The following ROBO2 variants were observed in gnomAD, a reference collection of about 807,000 sequenced individuals.
The protein encoded by ROBO2 is roundabout guidance receptor 2, also known as roundabout homolog 2.
A neutral mutation model predicts 160.8 loss-of-function variants in ROBO2; 53 were observed. The ratio of observed to expected loss-of-function variants is 0.33; its 90% CI spans 0.26 to 0.41. The LOEUF is 0.41. ROBO2 is among the 10% of genes least tolerant of loss of function. ROBO2 has a pLI of 1.00. For synonymous variants in ROBO2, 664 were observed against 611.7 expected (o/e 1.09, Z -1.26); for missense variants, 1,577 against 1,722.4 (o/e 0.92, Z 1.49).
intron 2 of ROBO2, among the ~76,000 whole-genome samples, chr3:77,285,237 C>T (rs187475279): frequency 7.9e-5 from 12 of 152,198 alleles, no homozygotes; most frequent in East Asian, 3.9e-4. Context: ...TCACTTTCTA[C>T]GACTTCATTG....
At chr3:77,172,943 A>G (rs761146199) in intron 2 of ROBO2, among the ~76,000 whole-genome samples, 36 of 152,186 alleles carry the variant, frequency 2.4e-4, no homozygotes, top group Non-Finnish European at 4.4e-4. Flanking sequence ...TATTTATCCC[A>G]TTTCCCAGCA....
At chr3:76,253,439 G>A (rs924038) in intron 2 of ROBO2, among the ~76,000 whole-genome samples, 20,744 of 151,260 alleles carry the variant, frequency 0.14, 2,255 homozygotes, top group East Asian at 0.41. Context: ...TGCTTGGCTA[G>A]TTTTTAAAAT....
chr3:76,398,619 C>A (rs1020294036), intron 2 of ROBO2, among the ~76,000 whole-genome samples: 1 of 151,474 alleles, frequency 6.6e-6, no homozygotes, highest in Non-Finnish European at 1.5e-5. Flanking sequence ...AGGCAGTATA[C>A]ACTAAACTAA....
intron 2 of ROBO2, among the ~76,000 whole-genome samples, chr3:76,128,295 A>G (rs1401573592): frequency 2.0e-5 from 3 of 152,140 alleles, no homozygotes; most frequent in Admixed American, 1.3e-4. Flanking sequence ...TGCTTCATAG[A>G]AAATGTGGCC....
intron 2 of ROBO2, among the ~76,000 whole-genome samples, chr3:76,640,610 TGTG>T (rs2090623368): frequency 1.3e-5 from 2 of 151,760 alleles, no homozygotes; most frequent in Admixed American, 1.3e-4. Flanking sequence ...TGTGTGTGTG[TGTG>T]TGTGTGTGTG....
At chr3:77,259,559 T>C in intron 2 of ROBO2, among the ~76,000 whole-genome samples, 1 of 152,102 alleles carries the variant, frequency 6.6e-6, no homozygotes, top group Middle Eastern at 3.4e-3. Context: ...TAGATGAGAG[T>C]AAATAGAACT....
chr3:76,236,475 T>C (rs1704951600), intron 2 of ROBO2, among the ~76,000 whole-genome samples: 1 of 152,168 alleles, frequency 6.6e-6, no homozygotes, highest in Non-Finnish European at 1.5e-5. Flanking sequence ...GCAAGGTGAA[T>C]GTCTTCATCA....
At chr3:76,946,839 A>C (rs187140911) in intron 2 of ROBO2, among the ~76,000 whole-genome samples, 2 of 152,188 alleles carry the variant, frequency 1.3e-5, no homozygotes, top group African/African-American at 2.4e-5. Context: ...ATTACCCTGG[A>C]TGTTTTGTAA....
chr3:77,167,533 G>C (rs2150708549), intron 2 of ROBO2, among the ~76,000 whole-genome samples: 1 of 152,182 alleles, frequency 6.6e-6, no homozygotes, highest in South Asian at 2.1e-4. Flanking sequence ...CATAAGAGAG[G>C]CTACTGGGGT....
chr3:77,479,212 A>G (rs2084387539), intron 3 of ROBO2, among the ~76,000 whole-genome samples: 1 of 152,180 alleles, frequency 6.6e-6, no homozygotes, highest in African/African-American at 2.4e-5. Flanking sequence ...CTGCAAGCAA[A>G]GGTTGTCTTA....
chr3:77,362,806 A>T (rs2070234340), intron 2 of ROBO2, among the ~76,000 whole-genome samples: 1 of 152,144 alleles, frequency 6.6e-6, no homozygotes, highest in African/African-American at 2.4e-5. Flanking sequence ...GCAAATAAGG[A>T]GCAAAGTCAC....
At chr3:75,994,214 C>T (rs983013639) in intron 2 of ROBO2, among the ~76,000 whole-genome samples, 2 of 152,124 alleles carry the variant, frequency 1.3e-5, no homozygotes, top group African/African-American at 4.8e-5. Flanking sequence ...CTGAGATGGG[C>T]TTTTTGCTTC....
intron 2 of ROBO2, among the ~76,000 whole-genome samples, chr3:76,487,404 C>G (rs1460566810): frequency 6.6e-6 from 1 of 151,948 alleles, no homozygotes; most frequent in Non-Finnish European, 1.5e-5. Context: ...AAAATGGAAC[C>G]AATATAATAG....
chr3:76,009,915 T>C (rs1294756353), intron 2 of ROBO2, among the ~76,000 whole-genome samples: 2 of 152,374 alleles, frequency 1.3e-5, no homozygotes, highest in African/African-American at 4.8e-5. Flanking sequence ...TAAACTTAAT[T>C]GATGAAAAGC....
Position 77,422,240 on chromosome 3 carries a change from A to C in ROBO2, c.389-55174A>C, listed in dbSNP as rs140969438. Among the ~76,000 whole-genome samples the C allele has an allele frequency of 3.7e-3, 562 of 152,268 alleles. 3 individuals are homozygous for C. The highest frequency in any genetic ancestry group is 0.031 in the Middle Eastern group (9 of 294). ...AAGTTGGTGTAGAATAAGACAGGGG[A>C]TTAGCGGTTCCTTTTGACATTTTAT... is the stretch of plus-strand genomic sequence containing the variant. On this transcript the variant is annotated intron_variant, in intron 2 of 25. Transcript: ENST00000461745.
chr3:76,033,927 G>A (rs1044927388), intron 2 of ROBO2, among the ~76,000 whole-genome samples: 3 of 152,156 alleles, frequency 2.0e-5, no homozygotes, highest in Non-Finnish European at 4.4e-5. Flanking sequence ...GCTGAATTCC[G>A]AAAGGGAAAG....
At chr3:77,319,686 T>G (rs546127139) in intron 2 of ROBO2, among the ~76,000 whole-genome samples, 87 of 152,312 alleles carry the variant, frequency 5.7e-4, no homozygotes, top group Admixed American at 5.6e-3. Context: ...ATGCCTTTTT[T>G]CATATGAAAC....
chr3:76,816,118 G>T (rs988153944), intron 2 of ROBO2, among the ~76,000 whole-genome samples: 3 of 152,020 alleles, frequency 2.0e-5, no homozygotes, highest in African/African-American at 7.2e-5. Flanking sequence ...TATCCTCTTC[G>T]CTACTCAAAC....
At chr3:76,549,633 G>T (rs969716695) in intron 2 of ROBO2, among the ~76,000 whole-genome samples, 1 of 152,146 alleles carries the variant, frequency 6.6e-6, no homozygotes, top group African/African-American at 2.4e-5. Context: ...CCTGTTTCCT[G>T]TTCATCAGCC....
Sources: allele counts gnomAD v4.1 joint callset (sites outside exome capture counted in the v4.1 genomes callset), GRCh38; gene constraint gnomAD v4.1.1; transcripts MANE v1.5; gene names NCBI Gene and HGNC (gene_info 2026-07-23, HGNC 2026-07-21).